ARMH4: variants seen among roughly 807,000 people sequenced by gnomAD.
ARMH4 encodes armadillo like helical domain containing 4.
ARMH4 carries 49 observed loss-of-function variants against 61.9 expected under a neutral mutation model. That is an observed-to-expected ratio of 0.79 (90% CI 0.63 to 1.00). ARMH4 has a LOEUF of 1.00. Ranked by LOEUF, ARMH4 falls within the 50% of genes least tolerant of loss-of-function variation. The pLI is 0.00. For synonymous variants in ARMH4, 368 were observed against 341.5 expected, an observed-to-expected ratio of 1.08 and a Z score of -0.85; for missense variants, 934 against 930.0, an observed-to-expected ratio of 1.00 and a Z score of -0.06.
At chr14:58,056,733 GT>G (rs756814575) in intron 5 of ARMH4, among the ~76,000 whole-genome samples, 18 of 152,122 alleles carry the variant, frequency 1.2e-4, no homozygotes, top group Non-Finnish European at 2.1e-4. Flanking sequence ...CCTCATCAGT[GT>G]TGGCTCTCTA....
At chr14:58,076,035 GAAGA>G (rs1209987945) in intron 5 of ARMH4, among the ~76,000 whole-genome samples, 3 of 139,356 alleles carry the variant, frequency 2.2e-5, no homozygotes, top group South Asian at 2.4e-4. Context: ...AAAGAAGGAA[GAAGA>G]AAGAGGAAGA....
intron 5 of ARMH4, among the ~76,000 whole-genome samples, chr14:58,025,561 T>C (rs1183262843): frequency 1.3e-5 from 2 of 152,204 alleles, no homozygotes; most frequent in Non-Finnish European, 2.9e-5. Context: ...TTCTACAATG[T>C]CAAGAAATAA....
chr14:58,046,357 A>G (rs1883943809), intron 5 of ARMH4, among the ~76,000 whole-genome samples: 1 of 152,206 alleles, frequency 6.6e-6, no homozygotes, highest in Non-Finnish European at 1.5e-5. Context: ...GAGATGATCT[A>G]GTTCAATTCT....
chr14:58,099,938 C>A (rs944499339), intron 4 of ARMH4, among the ~76,000 whole-genome samples: 1 of 152,286 alleles, frequency 6.6e-6, no homozygotes, highest in Admixed American at 6.5e-5. Flanking sequence ...TCCTACCTCA[C>A]AAGGCTGTTG....
intron 5 of ARMH4, among the ~76,000 whole-genome samples, chr14:58,067,559 A>G (rs959820943): frequency 6.6e-6 from 1 of 152,248 alleles, no homozygotes; most frequent in African/African-American, 2.4e-5. Context: ...AGACATTTGC[A>G]TCATTCTGTG....
Position 58,138,610 on chromosome 14 carries a change from A to G in ARMH4, c.749T>C (p.Leu250Pro). 1 of 1,614,184 alleles carries G rather than the reference A, an allele frequency of 6.2e-7. No individual in the cohort carries two copies. The highest frequency in any genetic ancestry group is 8.5e-7 in the Non-Finnish European group (1 of 1,180,024). Reference sequence around the variant, plus strand: ...CGAAGGCTTCTCCTTATCAGGGGTGAGGCTTCCAGGCTCACTGCCTGCTGT... The same window carrying G: ...CGAAGGCTTCTCCTTATCAGGGGTGGGGCTTCCAGGCTCACTGCCTGCTGT... ...ESTAGSEPGS[L>P]TPDKEKPSQM... is the part of the protein sequence containing the mutation. Residue 250 changes from leucine (L) to proline (P), a missense_variant, in exon 2 of 8, where the codon CTC becomes CCC. By Grantham distance (98) the Leu-to-Pro change is moderately conservative. Coordinates refer to ENST00000267485, the MANE Select transcript of ARMH4 (RefSeq NM_001001872.4).
At chr14:58,040,502 C>T (rs1264997941) in intron 5 of ARMH4, among the ~76,000 whole-genome samples, 1 of 152,160 alleles carries the variant, frequency 6.6e-6, no homozygotes, top group Non-Finnish European at 1.5e-5. Context: ...TCTTGTTCTT[C>T]TTTATAGCTG....
intron 1 of ARMH4, among the ~76,000 whole-genome samples, chr14:58,151,455 T>A (rs1026886602): frequency 4.6e-5 from 7 of 152,062 alleles, no homozygotes; most frequent in African/African-American, 1.7e-4. Context: ...AAGTGACCTT[T>A]CCAAGGAGCG....
intron 5 of ARMH4, among the ~76,000 whole-genome samples, chr14:58,091,660 G>A (rs1185493798): frequency 6.6e-6 from 1 of 152,186 alleles, no homozygotes; most frequent in Non-Finnish European, 1.5e-5. Flanking sequence ...TGATAATTGT[G>A]TGATTTATTA....
At chr14:58,043,806 C>T (rs1203607015) in intron 5 of ARMH4, among the ~76,000 whole-genome samples, 3 of 152,068 alleles carry the variant, frequency 2.0e-5, no homozygotes, top group Non-Finnish European at 2.9e-5. Flanking sequence ...TCTTATACAC[C>T]AATAACAGAC....
intron 5 of ARMH4, among the ~76,000 whole-genome samples, chr14:58,088,677 T>C (rs1885460011): frequency 6.6e-6 from 1 of 152,198 alleles, no homozygotes; most frequent in Admixed American, 6.5e-5. Context: ...TGTCTGAGTA[T>C]ACACCTCCAT....
In ARMH4 at chr14:58,004,660, CTTT is replaced by C; in HGVS notation, c.*73_*75del. On this transcript the variant is annotated 3_prime_UTR_variant, in exon 8 of 8. Coordinates refer to ENST00000267485, the MANE Select transcript of ARMH4 (RefSeq NM_001001872.4). ...GATAGCAGCAATGTGGCAGGTTGTT[CTTT>C]TTTTTTTTCTGCTCCAAAATAAAAA... The C allele has an allele frequency of 2.0e-6, 2 of 981,198 alleles. No homozygotes were observed. The highest frequency in any genetic ancestry group is 2.9e-6 in the Non-Finnish European group (2 of 682,006). The allele number at this position is 981,198 out of a possible 1,614,324, so 60.8% of individuals were successfully genotyped here.
In ARMH4 at chr14:58,138,355, T is replaced by C. The variant is rs1887386006; in HGVS notation, c.1004A>G (p.Glu335Gly). 4 of 1,614,182 alleles carry C rather than the reference T, an allele frequency of 2.5e-6. No homozygotes were observed. The East Asian group carries it at 8.9e-5, about 36-fold the overall frequency. The change falls in exon 2 of 8, where the codon GAG (glutamate) becomes GGG (glycine). Residue 335 changes from glutamate to glycine, a missense_variant. Glu to Gly is a moderately conservative substitution (Grantham distance 98). Transcript: ENST00000267485. ...IRTPKLGDNEETQVRTEMSQT... is the reference protein window; with the variant it reads ...IRTPKLGDNEGTQVRTEMSQT... ...AGACATCTCCGTTCTCACCTGAGTC[T>C]CTTCATTGTCTCCAAGCTTGGGGGT...
chr14:58,143,765 C>CT (rs201034964), intron 1 of ARMH4, among the ~76,000 whole-genome samples: 1,999 of 119,808 alleles, frequency 0.017, 137 homozygotes, highest in African/African-American at 0.067. Context: ...TGCCCATCCT[C>CT]TTTTTTTTTT....
At chr14:58,019,747 C>T (rs1005065820) in intron 5 of ARMH4, among the ~76,000 whole-genome samples, 6 of 151,934 alleles carry the variant, frequency 3.9e-5, no homozygotes, top group African/African-American at 9.7e-5. Flanking sequence ...GCCGAGATCA[C>T]GCCACTGCAC....
intron 1 of ARMH4, among the ~76,000 whole-genome samples, chr14:58,147,235 G>A (rs1846379476): frequency 6.6e-6 from 1 of 151,630 alleles, no homozygotes; most frequent in Admixed American, 6.6e-5. Flanking sequence ...TCACCTCATT[G>A]GATAGTTATT....
chr14:58,043,711 G>A (rs1301985324), intron 5 of ARMH4, among the ~76,000 whole-genome samples: 7 of 152,168 alleles, frequency 4.6e-5, no homozygotes, highest in Admixed American at 6.5e-5. Flanking sequence ...AAACCCCATC[G>A]TCTCAGCCCA....
intron 5 of ARMH4, among the ~76,000 whole-genome samples, chr14:58,049,041 TC>T (rs1884036381): frequency 6.6e-6 from 1 of 151,782 alleles, no homozygotes; most frequent in Non-Finnish European, 1.5e-5. Flanking sequence ...ATCGAGACCA[TC>T]CTGGCTAACA....
intron 5 of ARMH4, among the ~76,000 whole-genome samples, chr14:58,096,168 G>C (rs1432512864): frequency 6.6e-6 from 1 of 152,194 alleles, no homozygotes; most frequent in Non-Finnish European, 1.5e-5. Flanking sequence ...AATCGTGTTT[G>C]ACAAGGTAAT....
Sources: allele counts gnomAD v4.1 joint callset (sites outside exome capture counted in the v4.1 genomes callset), GRCh38; gene constraint gnomAD v4.1.1; transcripts MANE v1.5; gene names NCBI Gene and HGNC (gene_info 2026-07-23, HGNC 2026-07-21).